Variants in EPAS1 observed in about 807,000 individuals in gnomAD.
The protein encoded by EPAS1 is endothelial PAS domain-containing protein 1.
Under a neutral mutation model 87.9 loss-of-function variants are expected in EPAS1, and 23 were observed. The ratio of observed to expected loss-of-function variants is 0.26; its 90% confidence interval spans 0.19 to 0.37. The LOEUF (loss-of-function observed/expected upper bound fraction) is 0.37. Among genes scored for constraint, EPAS1 ranks in the 10% least tolerant of loss-of-function variants. The probability of loss-of-function intolerance (pLI) is 1.00; values close to 1 mark genes in which losing one functional copy is unlikely to be tolerated. For missense variants in EPAS1, 1,138 were observed against 1,120.7 expected (o/e 1.02, Z -0.22); for synonymous variants, 508 against 444.3 (o/e 1.14, Z -1.80).
Position 46,376,402 on chromosome 2 carries a change from C to G in EPAS1, c.1035-137C>G, listed in dbSNP as rs530271665. 4.9e-6 allele frequency: 4 copies of G among 817,088 alleles called. No homozygotes were observed. The Admixed American group carries it at 6.9e-5, about 14-fold the overall frequency. The allele number at this position is 817,088 out of a possible 1,614,324, so 50.6% of individuals were successfully genotyped here. On this transcript the variant is annotated intron_variant, in intron 8 of 15. Transcript: ENST00000263734. ...GCTCACACACTTCTATTGTATGGTTCTTTATAAGACGCCAATGCCTGGAGT... is the reference window on the plus strand; with the variant it reads ...GCTCACACACTTCTATTGTATGGTTGTTTATAAGACGCCAATGCCTGGAGT...
chr2:46,380,377 A>C lies in EPAS1; in HGVS notation c.1705A>C (p.Asn569His). The C allele has an allele frequency of 2.5e-6, 4 of 1,614,028 alleles. No individual in the cohort carries two copies. The highest frequency in any genetic ancestry group is 3.4e-6 in the Non-Finnish European group (4 of 1,179,988). ...CCAGCACTGCTTCAGTGCCATGACA[A>C]ACATCTTCCAGCCACTGGCCCCTGT... ...TPQHCFSAMT[N>H]IFQPLAPVAP... The change falls in exon 12 of 16, where the codon AAC (asparagine) becomes CAC (histidine). Residue 569 changes from asparagine (N) to histidine (H), a missense_variant. Physicochemically the swap from Asn to His is moderately conservative, Grantham distance 68. Transcript: ENST00000263734. The surrounding 1 kb of genome is among the most constrained non-coding windows in gnomAD (Gnocchi z 4.4).
chr2:46,323,362 G>A (rs143503058), intron 1 of EPAS1, among the ~76,000 whole-genome samples: 2 of 152,338 alleles, frequency 1.3e-5, no homozygotes, highest in African/African-American at 2.4e-5. Flanking sequence ...GGTGCCAAAG[G>A]CAACTGTGTC....
chr2:46,351,978 G>C (rs1684171328), intron 2 of EPAS1, among the ~76,000 whole-genome samples: 1 of 152,186 alleles, frequency 6.6e-6, no homozygotes, highest in Non-Finnish European at 1.5e-5. Context: ...CAAAACCTCA[G>C]CCCGCGCATA....
intron 1 of EPAS1, among the ~76,000 whole-genome samples, chr2:46,302,939 G>A (rs11125069): frequency 0.35 from 52,486 of 151,862 alleles, 11,271 homozygotes; most frequent in Admixed American, 0.49. Context: ...CAGGCGTGGT[G>A]GCGTATGCCT....
At chr2:46,330,069 CAT>C (rs1361383965) in intron 1 of EPAS1, among the ~76,000 whole-genome samples, 1 of 152,224 alleles carries the variant, frequency 6.6e-6, no homozygotes, top group African/African-American at 2.4e-5. Context: ...TGTGATGCCA[CAT>C]GTTTGTTGTA....
intron 1 of EPAS1, 36 bp downstream of exon 1, chr2:46,297,973 C>T: frequency 6.2e-7 from 1 of 1,608,936 alleles, no homozygotes; most frequent in Non-Finnish European, 8.5e-7. Flanking sequence ...GGGGCCGGTC[C>T]GAGGCCAGGG....
At position 46,375,760 on chromosome 2, in the gene EPAS1, G is replaced by C. The variant is rs772474116; in HGVS notation, c.957G>C (p.Leu319=). Residue 319 remains leucine (L), a synonymous_variant, in exon 8 of 16, where the codon CTG becomes CTC. Transcript: ENST00000263734. The surrounding 1 kb of genome is among the most constrained non-coding windows in gnomAD (Gnocchi z 4.1). Reference sequence around the variant, plus strand: ...CAAAGCATGGGGGCTACGTGTGGCTGGAGACCCAGGGGACGGTCATCTACA... The same window carrying C: ...CAAAGCATGGGGGCTACGTGTGGCTCGAGACCCAGGGGACGGTCATCTACA... ...MLAKHGGYVW[L]ETQGTVIYNP... is the part of the protein sequence containing the mutation. 2 of 1,614,248 alleles carry C rather than the reference G, an allele frequency of 1.2e-6. No individual in the cohort carries two copies. The highest frequency in any genetic ancestry group is 2.2e-5 in the East Asian group (1 of 44,882).
chr2:46,362,264 T>C (rs1262462915), intron 6 of EPAS1, among the ~76,000 whole-genome samples: 4 of 152,188 alleles, frequency 2.6e-5, no homozygotes, highest in Admixed American at 6.5e-5. Flanking sequence ...TTCTCCAAAA[T>C]AGAGATAACA....
chr2:46,376,257 G>A (rs1684745132), intron 8 of EPAS1, among the ~76,000 whole-genome samples: 1 of 152,108 alleles, frequency 6.6e-6, no homozygotes. Flanking sequence ...TACAGACAGA[G>A]AAAAACAAAA....
chr2:46,320,832 C>T (rs1558586322), intron 1 of EPAS1, among the ~76,000 whole-genome samples: 1 of 152,168 alleles, frequency 6.6e-6, no homozygotes, highest in Admixed American at 6.5e-5. Flanking sequence ...TTTTCCTTTG[C>T]TGGTAGTGGT....
At chr2:46,312,669 A>G (rs887330339) in intron 1 of EPAS1, among the ~76,000 whole-genome samples, 3 of 152,130 alleles carry the variant, frequency 2.0e-5, no homozygotes, top group Non-Finnish European at 4.4e-5. Flanking sequence ...AGGCCTTTAA[A>G]TTTCTTACCT....
Position 46,346,975 on chromosome 2 carries a change from G to A in EPAS1, c.129G>A (p.Leu43=), listed in dbSNP as rs1684041711. Reference sequence around the variant, plus strand: ...ATGAGCTGGCCCATGAGCTGCCTCTGCCCCACAGTGTGAGCTCCCATCTGG... The same window carrying A: ...ATGAGCTGGCCCATGAGCTGCCTCTACCCCACAGTGTGAGCTCCCATCTGG... The part of the protein sequence containing the change: ...VFYELAHELP[L]PHSVSSHLDK... Residue 43 remains leucine, a synonymous_variant, in exon 2 of 16, where the codon CTG becomes CTA. Transcript: ENST00000263734. This position sits in a 1 kb window ranked among gnomAD's most constrained non-coding sequence, Gnocchi z 4.0. The A allele has an allele frequency of 6.2e-7, 1 of 1,614,218 alleles. No individual in the cohort carries two copies. The highest frequency in any genetic ancestry group is 8.5e-7 in the Non-Finnish European group (1 of 1,180,030).
Position 46,384,815 on chromosome 2 carries a change from T to G in EPAS1, c.*155T>G. The G allele has an allele frequency of 1.2e-6, 1 of 855,848 alleles. No homozygotes were observed. Among genetic ancestry groups the G allele is most frequent in the Non-Finnish European group, 1.8e-6 (1 of 545,142 alleles). 53.0% of individuals were successfully genotyped at this position (855,848 alleles called of 1,614,324 possible). On this transcript the variant is annotated 3_prime_UTR_variant, in exon 16 of 16. Coordinates refer to ENST00000263734, the MANE Select transcript of EPAS1 (RefSeq NM_001430.5). ...TTGCCCAGGTCACCAAGCAGTGGCC[T>G]TTTTCTGAGATGCTCACTTTATTAT... is the stretch of plus-strand genomic sequence containing the variant.
At chr2:46,366,123 G>T (rs1277032343) in intron 6 of EPAS1, among the ~76,000 whole-genome samples, 1 of 152,238 alleles carries the variant, frequency 6.6e-6, no homozygotes, top group Non-Finnish European at 1.5e-5. Flanking sequence ...AGGCACCGTG[G>T]CGCTGCACCG....
In EPAS1 at chr2:46,376,766, T is replaced by C; in HGVS notation, c.1249+13T>C. 1 of 1,611,820 alleles carries C rather than the reference T, an allele frequency of 6.2e-7. No individual in the cohort carries two copies. Among genetic ancestry groups the C allele is most frequent in the Non-Finnish European group, 8.5e-7 (1 of 1,179,838 alleles). ...TCTCTGGATTTCGGTGGGTGCTTCT[T>C]AGCTAAGCCAGGCCCCTGGAACCCC... On this transcript the variant is annotated intron_variant, in intron 9 of 15. Transcript: ENST00000263734.
chr2:46,356,651 TG>T, intron 3 of EPAS1, 72 bp from the exon 4 acceptor site: 1 of 1,197,642 alleles, frequency 8.3e-7, no homozygotes. Context: ...ATCTGGAAGG[TG>T]GCTCAGCTTA....
intron 6 of EPAS1, among the ~76,000 whole-genome samples, chr2:46,364,174 G>GGT (rs1443185822): frequency 3.3e-5 from 5 of 152,144 alleles, no homozygotes; most frequent in African/African-American, 9.7e-5. Flanking sequence ...TACCTAATGG[G>GGT]GTGAGGGGTT....
chr2:46,321,637 T>G (rs1683455648), intron 1 of EPAS1, among the ~76,000 whole-genome samples: 1 of 152,164 alleles, frequency 6.6e-6, no homozygotes. Context: ...ATTTTCCTAA[T>G]GATCAGTGAT....
At chr2:46,328,871 C>G (rs149963107) in intron 1 of EPAS1, among the ~76,000 whole-genome samples, 1 of 152,228 alleles carries the variant, frequency 6.6e-6, no homozygotes, top group Non-Finnish European at 1.5e-5. Context: ...GCACCTTTTT[C>G]TTCTCTTTCA....
Sources: allele counts gnomAD v4.1 joint callset (sites outside exome capture counted in the v4.1 genomes callset), GRCh38; gene constraint gnomAD v4.1.1; non-coding constraint Gnocchi (gnomAD v3.1); transcripts MANE v1.5; gene names NCBI Gene and HGNC (gene_info 2026-07-23, HGNC 2026-07-21).